Variants in COL26A1 observed in about 807,000 individuals in gnomAD.
COL26A1 encodes collagen alpha-1(XXVI) chain.
Under a neutral mutation model 59.3 loss-of-function variants are expected in COL26A1, and 41 were observed. That is an observed-to-expected ratio of 0.69 (90% CI 0.54 to 0.90). The LOEUF is 0.90. COL26A1 is among the 40% of genes least tolerant of loss of function. The pLI, the probability that COL26A1 is intolerant of heterozygous loss-of-function variation, is 0.00. For missense variants in COL26A1, 612 were observed against 602.3 expected (o/e 1.02, Z -0.17); for synonymous variants, 266 against 256.0 (o/e 1.04, Z -0.37).
intron 3 of COL26A1, among the ~76,000 whole-genome samples, chr7:101,469,459 C>A (rs1793841180): frequency 6.6e-6 from 1 of 151,712 alleles, no homozygotes; most frequent in Admixed American, 6.6e-5. Context: ...AGTTTACCTG[C>A]ACTTATGCAA....
rs779820061 is a variant in COL26A1, at chr7:101,447,717, G to A, written c.315G>A (p.Val105=). The A allele has an allele frequency of 4.0e-5, 64 of 1,605,446 alleles. No homozygotes were observed. Among genetic ancestry groups the A allele is most frequent in the Non-Finnish European group, 5.3e-5 (62 of 1,176,232 alleles). ...CTCTGATCAGACCCACCTACAGAGT[G>A]TCCTACCGCACGGTGACGGTGCTGG... The part of the protein sequence containing the change: ...YRTLIRPTYR[V]SYRTVTVLEW... Residue 105 remains valine (V), a synonymous_variant, in exon 3 of 13, where the codon GTG becomes GTA. Transcript: ENST00000313669.
chr7:101,451,032 T>C (rs754019771), intron 3 of COL26A1, among the ~76,000 whole-genome samples: 6 of 144,758 alleles, frequency 4.1e-5, no homozygotes, highest in South Asian at 2.2e-4. Context: ...ATATATATTA[T>C]TGAATAATTA....
chr7:101,387,120 C>T (rs1791595338), intron 1 of COL26A1, among the ~76,000 whole-genome samples: 1 of 152,118 alleles, frequency 6.6e-6, no homozygotes, highest in Non-Finnish European at 1.5e-5. Flanking sequence ...AAGGCAGACT[C>T]ACTGCTGGCT....
chr7:101,481,194 A>G (rs1794146497), intron 3 of COL26A1, among the ~76,000 whole-genome samples: 1 of 152,070 alleles, frequency 6.6e-6, no homozygotes. Context: ...CAAATCTTTC[A>G]TGGAAGGTTG....
chr7:101,471,833 G>A (rs1793913231), intron 3 of COL26A1, among the ~76,000 whole-genome samples: 2 of 152,008 alleles, frequency 1.3e-5, no homozygotes, highest in South Asian at 2.1e-4. Context: ...GCCCACCTTG[G>A]CCTCCCAAAG....
intron 1 of COL26A1, among the ~76,000 whole-genome samples, chr7:101,376,634 G>A (rs2117019278): frequency 6.6e-6 from 1 of 152,242 alleles, no homozygotes; most frequent in South Asian, 2.1e-4. Flanking sequence ...AACAGAAGCT[G>A]TAATCCTGAT....
intron 3 of COL26A1, among the ~76,000 whole-genome samples, chr7:101,453,031 G>A (rs954992196): frequency 3.9e-5 from 6 of 152,142 alleles, no homozygotes; most frequent in South Asian, 2.1e-4. Flanking sequence ...GATTACAGGC[G>A]TGAGCCACTG....
At chr7:101,545,302 C>T (rs761490600) in intron 6 of COL26A1, 36 bp from the exon 7 acceptor site, 32 of 1,526,824 alleles carry the variant, frequency 2.1e-5, no homozygotes, top group South Asian at 7.5e-5. Context: ...CGCCAGGCTC[C>T]GGCTGCCACA....
chr7:101,500,306 G>A (rs532283314), intron 3 of COL26A1, among the ~76,000 whole-genome samples: 1 of 152,322 alleles, frequency 6.6e-6, no homozygotes, highest in East Asian at 1.9e-4. Context: ...TGGGCTACAA[G>A]GCTCATAGCT....
chr7:101,443,480 C>A (rs6961305), intron 2 of COL26A1, among the ~76,000 whole-genome samples: 1 of 152,144 alleles, frequency 6.6e-6, no homozygotes, highest in Non-Finnish European at 1.5e-5. Flanking sequence ...CGTCTCCAAA[C>A]GTCGCGCCTG....
At chr7:101,490,865 G>T (rs181527198) in intron 3 of COL26A1, among the ~76,000 whole-genome samples, 13 of 151,948 alleles carry the variant, frequency 8.6e-5, no homozygotes, top group African/African-American at 1.2e-4. Flanking sequence ...CAGGCATGGT[G>T]GTGGGCACCT....
At chr7:101,524,864 G>A (rs1020173948) in intron 3 of COL26A1, among the ~76,000 whole-genome samples, 22 of 152,102 alleles carry the variant, frequency 1.4e-4, no homozygotes, top group African/African-American at 5.3e-4. Context: ...TTGGCCTGTG[G>A]TCCAGCCATG....
At position 101,481,363 on chromosome 7, in the gene COL26A1, T is replaced by C. The variant is rs116819523; in HGVS notation, c.385+33576T>C. Among the ~76,000 whole-genome samples, 575 of 151,232 alleles carry C rather than the reference T, an allele frequency of 3.8e-3. 3 individuals are homozygous for C. The highest frequency in any genetic ancestry group is 0.012 in the South Asian group (58 of 4,788). On this transcript the variant is annotated intron_variant, in intron 3 of 12. Coordinates refer to ENST00000313669, the MANE Select transcript of COL26A1 (RefSeq NM_001278563.3). ...TCTTCAGTTTTTCTCTTTATTCTTGTAAGCACCTCCTTTCTTTCTTGGGAA... is the reference window on the plus strand; with the variant it reads ...TCTTCAGTTTTTCTCTTTATTCTTGCAAGCACCTCCTTTCTTTCTTGGGAA...
rs563017448 is a variant in COL26A1 at position 101,420,095 on chromosome 7, G to A, written c.277G>A (p.Val93Ile). ...GTGGCCGGGGCCCTGCGCCAACCTCGTAAGGTAAAGGCCGCTGGGCTAGGC... is the reference window on the plus strand; with the variant it reads ...GTGGCCGGGGCCCTGCGCCAACCTCATAAGGTAAAGGCCGCTGGGCTAGGC... ...CRWPGPCANL[V>I]SYRTLIRPTY... The change falls in exon 2 of 13, where the codon GTA becomes ATA. Residue 93 changes from valine to isoleucine, a missense_variant. Transcript: ENST00000313669. 8.0e-5 allele frequency: 129 copies of A among 1,612,966 alleles called. 1 individual carries two copies. The Admixed American group carries it at 1.7e-3, about 21-fold the overall frequency.
Position 101,539,865 on chromosome 7 carries a change from ACCTGACTCTCTATCT to A in COL26A1, c.448-24_448-10del. ...TCCCTATGTGTCAGGCCCAACTGGG[ACCTGACTCTCTATCT>A]CCTTTGGCCCAGGTCCTCCTGCTAG... On this transcript the variant is annotated splice_polypyrimidine_tract_variant and intron_variant, in intron 4 of 12. Transcript: ENST00000313669. 6.3e-7 allele frequency: 1 copy of A among 1,598,288 alleles called. No individual in the cohort carries two copies. The highest frequency in any genetic ancestry group is 1.1e-5 in the South Asian group (1 of 89,616).
intron 1 of COL26A1, among the ~76,000 whole-genome samples, chr7:101,380,868 C>G (rs768448546): frequency 2.0e-5 from 3 of 152,280 alleles, no homozygotes; most frequent in Non-Finnish European, 4.4e-5. Flanking sequence ...CCATAACTAA[C>G]GAATTGATAA....
At chr7:101,404,451 T>C (rs1032992424) in intron 1 of COL26A1, among the ~76,000 whole-genome samples, 3 of 152,164 alleles carry the variant, frequency 2.0e-5, no homozygotes, top group South Asian at 4.1e-4. Context: ...CCAAATGGCT[T>C]TGGGCAAATC....
At chr7:101,434,515 A>G (rs1018663364) in intron 2 of COL26A1, among the ~76,000 whole-genome samples, 6 of 151,202 alleles carry the variant, frequency 4.0e-5, no homozygotes, top group Admixed American at 1.3e-4. Flanking sequence ...TCCCGCCTCT[A>G]TCTCTCAAAG....
intron 12 of COL26A1, 58 bp downstream of exon 12, chr7:101,555,929 A>G (rs917198255): frequency 2.3e-5 from 33 of 1,422,310 alleles, no homozygotes; most frequent in African/African-American, 2.0e-4. Flanking sequence ...TCCTCTCCCA[A>G]TGCTGCCCTC....
Sources: gnomAD v4.1 joint callset for allele counts (sites outside exome capture counted in the v4.1 genomes callset) on GRCh38, gnomAD v4.1.1 for gene constraint, MANE v1.5 for transcripts, NCBI Gene and HGNC (gene_info 2026-07-23, HGNC 2026-07-21) for gene names.